SMARCA2: variants seen among roughly 807,000 people sequenced by gnomAD.
The protein encoded by SMARCA2 is SWI/SNF related BAF chromatin remodeling complex subunit ATPase 2, also known as SWI/SNF-related matrix-associated actin-dependent regulator of chromatin subfamily A member 2.
Under a neutral mutation model 199.8 loss-of-function variants are expected in SMARCA2, and 61 were observed. That is an observed-to-expected ratio of 0.31 (90% CI 0.25 to 0.38). The LOEUF is 0.38. Among genes scored for constraint, SMARCA2 ranks in the 10% least tolerant of loss-of-function variants. The pLI, the probability that SMARCA2 is intolerant of heterozygous loss-of-function variation, is 1.00. For synonymous variants in SMARCA2, 935 were observed against 732.0 expected, an observed-to-expected ratio of 1.28 and a Z score of -4.48; for missense variants, 1,344 against 2,012.2, an observed-to-expected ratio of 0.67 and a Z score of 6.35.
intron 23 of SMARCA2, among the ~76,000 whole-genome samples, chr9:2,107,524 G>A (rs1822810032): frequency 6.6e-6 from 1 of 151,952 alleles, no homozygotes; most frequent in South Asian, 2.1e-4. Context: ...TACCATGTTG[G>A]CCAGGGTGAT....
intron 9 of SMARCA2, among the ~76,000 whole-genome samples, chr9:2,062,644 T>C (rs1820651445): frequency 6.6e-6 from 1 of 152,178 alleles, no homozygotes; most frequent in South Asian, 2.1e-4. Context: ...TTGCCTTCAA[T>C]TTGGTAATAG....
chr9:2,142,033 T>C (rs939897980), intron 27 of SMARCA2, among the ~76,000 whole-genome samples: 2 of 152,242 alleles, frequency 1.3e-5, no homozygotes, highest in Admixed American at 6.5e-5. Context: ...GGCCCCTTAG[T>C]GGACTTCCTT....
At chr9:2,177,296 C>G (rs1272564216) in intron 29 of SMARCA2, among the ~76,000 whole-genome samples, 2 of 152,220 alleles carry the variant, frequency 1.3e-5, no homozygotes, top group African/African-American at 4.8e-5. Flanking sequence ...CTTCCAACCT[C>G]AAGTGAGTAT....
chr9:2,124,791 C>G (rs933498640), intron 27 of SMARCA2, among the ~76,000 whole-genome samples: 2 of 152,274 alleles, frequency 1.3e-5, no homozygotes, highest in East Asian at 3.9e-4. Flanking sequence ...TGTGTGAACA[C>G]TGAGGCCCGG....
intron 15 of SMARCA2, 73 bp downstream of exon 15, chr9:2,082,068 T>C (rs1821588032): frequency 1.6e-6 from 2 of 1,271,924 alleles, no homozygotes; most frequent in Non-Finnish European, 2.2e-6. Context: ...CTTGTCCTTG[T>C]TTTTTACTTA....
chr9:2,115,081 C>T lies in SMARCA2; in HGVS notation c.3457-741C>T, dbSNP rs1248839237. ...AAGCCATTAGAGAGAGTAAATTATT[C>T]TGAGAAGGTACATCCTTATTTCTAA... On this transcript the variant is annotated intron_variant, in intron 24 of 33. Coordinates refer to ENST00000349721, the MANE Select transcript of SMARCA2 (RefSeq NM_003070.5). The surrounding 1 kb of genome is among the most constrained non-coding windows in gnomAD (Gnocchi z 6.0). Among the ~76,000 whole-genome samples, 1 of 151,566 alleles carries T rather than the reference C, an allele frequency of 6.6e-6. No homozygotes were observed. The highest frequency in any genetic ancestry group is 1.5e-5 in the Non-Finnish European group (1 of 67,974).
At chr9:2,070,285 G>A (rs148525190) in intron 9 of SMARCA2, 133 bp from the exon 10 acceptor site, 2 of 738,488 alleles carry the variant, frequency 2.7e-6, no homozygotes, top group Non-Finnish European at 4.9e-6. Flanking sequence ...GAACATAAAA[G>A]GCATTAACAC....
At chr9:2,139,353 A>G (rs907403647) in intron 27 of SMARCA2, among the ~76,000 whole-genome samples, 4 of 151,884 alleles carry the variant, frequency 2.6e-5, no homozygotes, top group Non-Finnish European at 4.4e-5. Context: ...GGGAATGCTG[A>G]TTGGTTTGGG....
chr9:2,073,719 C>G (rs1446552327), intron 12 of SMARCA2, 96 bp downstream of exon 12: 3 of 875,020 alleles, frequency 3.4e-6, no homozygotes, highest in Non-Finnish European at 5.5e-6. Context: ...GTCCTTCTAT[C>G]ATTTCTTCCT....
chr9:2,144,644 A>G (rs2130698163), intron 27 of SMARCA2, among the ~76,000 whole-genome samples: 1 of 152,288 alleles, frequency 6.6e-6, no homozygotes. Context: ...TCTATGATCT[A>G]GGCTGCTCAG....
Position 2,123,455 on chromosome 9 carries a change from C to CT in SMARCA2, c.3763-263dup, listed in dbSNP as rs1165612298. Among the ~76,000 whole-genome samples the CT allele has an allele frequency of 2.0e-5, 3 of 152,070 alleles. No homozygotes were observed. The highest frequency in any genetic ancestry group is 7.2e-5 in the African/African-American group (3 of 41,382). ...AGAGGGAGCTTTGCATACACACAGA[C>CT]TAAGAAAAGGAAATTCTTTAAAAGT... is the stretch of plus-strand genomic sequence containing the variant. On this transcript the variant is annotated intron_variant, in intron 26 of 33. Coordinates refer to ENST00000349721, the MANE Select transcript of SMARCA2 (RefSeq NM_003070.5). This position sits in a 1 kb window ranked among gnomAD's most constrained non-coding sequence, Gnocchi z 4.1.
chr9:2,171,700 C>T (rs1467278874), intron 29 of SMARCA2, among the ~76,000 whole-genome samples: 1 of 152,158 alleles, frequency 6.6e-6, no homozygotes, highest in East Asian at 1.9e-4. Context: ...TAAGTTTGGG[C>T]AGTTTAAATA....
At chr9:2,190,590 T>G (rs1199226170) in intron 32 of SMARCA2, among the ~76,000 whole-genome samples, 1 of 152,028 alleles carries the variant, frequency 6.6e-6, no homozygotes, top group African/African-American at 2.4e-5. Context: ...ACTTGAATTC[T>G]TTATATTCTA....
intron 29 of SMARCA2, among the ~76,000 whole-genome samples, chr9:2,174,252 AC>A (rs1163509161): frequency 1.3e-5 from 2 of 152,202 alleles, no homozygotes; most frequent in Non-Finnish European, 2.9e-5. Flanking sequence ...GCTGGAAATA[AC>A]AAAATGGATT....
intron 9 of SMARCA2, among the ~76,000 whole-genome samples, chr9:2,069,921 G>C (rs1821018188): frequency 6.6e-6 from 1 of 152,122 alleles, no homozygotes; most frequent in Non-Finnish European, 1.5e-5. Context: ...TAGTTTTTCA[G>C]CTCTTGCCCC....
chr9:2,052,231 C>T lies in SMARCA2; in HGVS notation c.1047-2366C>T, dbSNP rs1820150608. On this transcript the variant is annotated intron_variant, in intron 5 of 33. Coordinates refer to ENST00000349721, the MANE Select transcript of SMARCA2 (RefSeq NM_003070.5). ...GCTCATGCCTGTAATCCCAGCACTT[C>T]GGGAGGCCGATGCCTGCGGATCACC... Among the ~76,000 whole-genome samples the T allele has an allele frequency of 2.6e-5, 4 of 152,332 alleles. No homozygotes were observed. The South Asian group carries it at 8.3e-4, about 32-fold the overall frequency.
chr9:2,032,322 G>C (rs1819105710), intron 2 of SMARCA2, among the ~76,000 whole-genome samples: 1 of 152,024 alleles, frequency 6.6e-6, no homozygotes, highest in African/African-American at 2.4e-5. Context: ...CTCAAGTTTT[G>C]GGTCCAGCCC....
At position 2,119,624 on chromosome 9, in the gene SMARCA2, C is replaced by A; in HGVS notation, c.3762+89C>A. 2.3e-6 allele frequency: 2 copies of A among 864,048 alleles called. No homozygotes were observed. Among genetic ancestry groups the A allele is most frequent in the Admixed American group, 1.9e-5 (1 of 53,182 alleles). The allele number at this position is 864,048 out of a possible 1,614,324, so 53.5% of individuals were successfully genotyped here. A position where few individuals can be genotyped will look rare whatever the true frequency, so the allele number is the denominator to read the frequency against. On this transcript the variant is annotated intron_variant, in intron 26 of 33. Coordinates refer to ENST00000349721, the MANE Select transcript of SMARCA2 (RefSeq NM_003070.5). This position sits in a 1 kb window ranked among gnomAD's most constrained non-coding sequence, Gnocchi z 4.6. ...GAATGTCTGCAGCCTGCGTGCCTGG[C>A]AGAACTTCATACGTAAAGCCTATGC... is the stretch of plus-strand genomic sequence containing the variant.
Position 2,086,114 on chromosome 9 carries a change from A to G in SMARCA2, c.2527-715A>G, listed in dbSNP as rs1382141735. The G allele has an allele frequency of 1.3e-5, 2 of 152,280 alleles. No individual in the cohort carries two copies. Among genetic ancestry groups the G allele is most frequent in the African/African-American group, 2.4e-5 (1 of 41,440 alleles). The allele number at this position is 152,280 out of a possible 1,614,324, so 9.4% of individuals were successfully genotyped here. A position where few individuals can be genotyped will look rare whatever the true frequency, so the allele number is the denominator to read the frequency against. On this transcript the variant is annotated intron_variant, in intron 17 of 33. Transcript: ENST00000349721. The surrounding 1 kb of genome is among the most constrained non-coding windows in gnomAD (Gnocchi z 4.3). ...TGCAGTGCGCTTTCTGCCAGTGAGTATATTCTTTTATTTTAGATAAAACAG... is the reference window on the plus strand; with the variant it reads ...TGCAGTGCGCTTTCTGCCAGTGAGTGTATTCTTTTATTTTAGATAAAACAG...
Sources: allele counts gnomAD v4.1 joint callset (sites outside exome capture counted in the v4.1 genomes callset), GRCh38; gene constraint gnomAD v4.1.1; non-coding constraint Gnocchi (gnomAD v3.1); transcripts MANE v1.5; gene names NCBI Gene and HGNC (gene_info 2026-07-23, HGNC 2026-07-21).